Variants in ELP3 observed in about 807,000 individuals in gnomAD.
ELP3 encodes elongator complex protein 3.
ELP3 carries 56 observed loss-of-function variants against 74.9 expected under a neutral mutation model. The ratio of observed to expected loss-of-function variants is 0.75; its 90% CI spans 0.60 to 0.93. ELP3 has a LOEUF of 0.93. ELP3 is among the 40% of genes least tolerant of loss of function. The pLI is 0.00. For missense variants in ELP3, 573 were observed against 686.5 expected, an observed-to-expected ratio of 0.83 and a Z score of 1.85; for synonymous variants, 222 against 239.8, an observed-to-expected ratio of 0.93 and a Z score of 0.68.
At chr8:28,097,848 T>G (rs1341258773) in intron 2 of ELP3, among the ~76,000 whole-genome samples, 1 of 152,228 alleles carries the variant, frequency 6.6e-6, no homozygotes, top group Non-Finnish European at 1.5e-5. Context: ...AGATAGGTAC[T>G]GATACCAGCC....
intron 10 of ELP3, among the ~76,000 whole-genome samples, chr8:28,151,932 G>T (rs978028322): frequency 6.6e-6 from 1 of 152,204 alleles, no homozygotes; most frequent in African/African-American, 2.4e-5. Flanking sequence ...TGTAGGAGTT[G>T]GCCCATCCGG....
intron 1 of ELP3, chr8:28,093,656 G>A (rs1469396366): frequency 5.3e-6 from 1 of 188,162 alleles, no homozygotes; most frequent in African/African-American, 2.4e-5. Context: ...CAGTGTAAGA[G>A]TTGTGCATGC....
At chr8:28,155,859 T>C in intron 10 of ELP3, 83 bp from the exon 11 acceptor site, 7 of 1,173,836 alleles carry the variant, frequency 6.0e-6, no homozygotes, top group Non-Finnish European at 8.6e-6. Flanking sequence ...TTTGTTCTTT[T>C]TAACTTTTTT....
intron 10 of ELP3, 61 bp from the exon 11 acceptor site, chr8:28,155,881 C>A: frequency 7.4e-7 from 1 of 1,352,032 alleles, no homozygotes; most frequent in South Asian, 1.2e-5. Context: ...ATATCCTTGC[C>A]TTACTGCTGT....
chr8:28,130,856 G>A (rs978896145), intron 8 of ELP3, among the ~76,000 whole-genome samples: 1 of 152,178 alleles, frequency 6.6e-6, no homozygotes, highest in Admixed American at 6.5e-5. Context: ...ATTAGAATGT[G>A]AAATAGGAGA....
chr8:28,104,381 C>T (rs556330039), intron 3 of ELP3, among the ~76,000 whole-genome samples: 1 of 152,268 alleles, frequency 6.6e-6, no homozygotes, highest in East Asian at 1.9e-4. Context: ...TATTTGAGTT[C>T]GTGTTTGTGT....
intron 10 of ELP3, 48 bp downstream of exon 10, chr8:28,137,939 T>A: frequency 6.9e-7 from 1 of 1,452,744 alleles, no homozygotes; most frequent in African/African-American, 1.4e-5. Context: ...CTAGTCTGTT[T>A]ACTATTTCTC....
intron 14 of ELP3, among the ~76,000 whole-genome samples, chr8:28,169,167 T>C (rs533557482): frequency 2.0e-4 from 31 of 152,310 alleles, no homozygotes; most frequent in East Asian, 3.9e-4. Context: ...TGTCCACCAT[T>C]CATGAATAAA....
At chr8:28,141,233 C>T (rs1485689952) in intron 10 of ELP3, among the ~76,000 whole-genome samples, 2 of 152,194 alleles carry the variant, frequency 1.3e-5, no homozygotes, top group Non-Finnish European at 2.9e-5. Context: ...TAGGACAAAT[C>T]ACAATTCTAG....
upstream of ELP3, chr8:28,092,954 C>G: frequency 1.6e-6 from 1 of 617,084 alleles, no homozygotes; most frequent in South Asian, 1.8e-5. Flanking sequence ...GATGCCACTC[C>G]GTTCAGACGT....
chr8:28,112,918 C>G (rs1041700798), intron 6 of ELP3, 101 bp from the exon 7 acceptor site: 190 of 1,076,792 alleles, frequency 1.8e-4, no homozygotes, highest in Non-Finnish European at 3.3e-5. Flanking sequence ...GATTTTTAAA[C>G]TGTACTGATG....
chr8:28,093,144 T>G lies in ELP3; in HGVS notation c.-71T>G. On this transcript the variant is annotated 5_prime_UTR_variant, in exon 1 of 15. Coordinates refer to ENST00000256398, the MANE Select transcript of ELP3 (RefSeq NM_018091.6). ...GACAGGCGGGATTGTTTTGTGGCTG[T>G]CAGCTTTCCCCGTGGTCTGAGTTTG... The G allele has an allele frequency of 6.3e-7, 1 of 1,593,006 alleles. No individual in the cohort carries two copies. The highest frequency in any genetic ancestry group is 2.3e-5 in the East Asian group (1 of 44,192).
chr8:28,091,353 T>C (rs767084092), upstream of ELP3, among the ~76,000 whole-genome samples: 3 of 152,218 alleles, frequency 2.0e-5, no homozygotes, highest in Non-Finnish European at 4.4e-5. Flanking sequence ...CTTCCCATCA[T>C]GGCCTGAGCT....
rs1815058980 is a variant in ELP3, at chr8:28,182,568, A to T, written c.1568-7081A>T. 2.0e-5 allele frequency among the ~76,000 whole-genome samples: 3 copies of T among 151,918 alleles called. No individual in the cohort carries two copies. In the East Asian group the frequency reaches 5.8e-4, roughly 29 times the overall value. ...AAGAGAGAGACTTCGTCTCAAAAAC[A>T]AACAAAAAAACCACATCTGGGTTTG... On this transcript the variant is annotated intron_variant, in intron 14 of 14. Coordinates refer to ENST00000256398, the MANE Select transcript of ELP3 (RefSeq NM_018091.6).
intron 8 of ELP3, among the ~76,000 whole-genome samples, 192 bp downstream of exon 8, chr8:28,129,855 T>C (rs1277685915): frequency 2.0e-5 from 3 of 152,196 alleles, no homozygotes; most frequent in Non-Finnish European, 4.4e-5. Context: ...AGTCTTTCTC[T>C]AGTGGGTCTT....
At chr8:28,117,624 A>C (rs896772107) in intron 7 of ELP3, among the ~76,000 whole-genome samples, 6 of 152,208 alleles carry the variant, frequency 3.9e-5, no homozygotes, top group Non-Finnish European at 7.3e-5. Context: ...ATGAAAGTAC[A>C]ATCTGGGAGC....
At chr8:28,131,881 GT>G (rs1812797681) in intron 8 of ELP3, among the ~76,000 whole-genome samples, 1 of 152,112 alleles carries the variant, frequency 6.6e-6, no homozygotes, top group African/African-American at 2.4e-5. Context: ...CTTCTGCATG[GT>G]TTTGAGCTCA....
chr8:28,150,373 C>T (rs995693849), intron 10 of ELP3, among the ~76,000 whole-genome samples: 11 of 152,112 alleles, frequency 7.2e-5, no homozygotes, highest in Admixed American at 4.6e-4. Flanking sequence ...TTTCTTTTAA[C>T]GTTTCTTGCA....
chr8:28,106,628 CTCCT>C, intron 3 of ELP3, 81 bp from the exon 4 acceptor site: 1 of 1,069,810 alleles, frequency 9.3e-7, no homozygotes, highest in Non-Finnish European at 1.4e-6. Flanking sequence ...TTGCATTCCT[CTCCT>C]TCCTTCCGAG....
Sources: allele counts gnomAD v4.1 joint callset (sites outside exome capture counted in the v4.1 genomes callset), GRCh38; gene constraint gnomAD v4.1.1; transcripts MANE v1.5; gene names NCBI Gene and HGNC (gene_info 2026-07-23, HGNC 2026-07-21).